Variants in COQ8B observed in about 807,000 individuals in gnomAD.
The protein encoded by COQ8B is atypical kinase COQ8B, mitochondrial.
A neutral mutation model predicts 62.0 loss-of-function variants in COQ8B; 44 were observed. That is an observed-to-expected ratio of 0.71 (90% confidence interval 0.56 to 0.91). COQ8B has a LOEUF of 0.91. Ranked by LOEUF, COQ8B falls within the 40% of genes least tolerant of loss-of-function variation. The pLI is 0.00. For missense variants in COQ8B, 649 were observed against 731.6 expected (o/e 0.89, Z 1.30); for synonymous variants, 252 against 289.9 (o/e 0.87, Z 1.33).
intron 10 of COQ8B, 131 bp from the exon 11 acceptor site, chr19:40,700,582 T>G: frequency 2.4e-5 from 28 of 1,165,930 alleles, no homozygotes; most frequent in Middle Eastern, 2.9e-4. Flanking sequence ...TGCCCATCTC[T>G]TGCTGCTGTC....
At chr19:40,715,981 G>C (rs1453754133) in intron 1 of COQ8B, 1 of 152,492 alleles carries the variant, frequency 6.6e-6, no homozygotes, top group East Asian at 1.9e-4. Flanking sequence ...ACTGGGAGAG[G>C]GAGGGATGCC....
intron 12 of COQ8B, among the ~76,000 whole-genome samples, chr19:40,697,295 G>A (rs903206378): frequency 2.0e-5 from 3 of 151,888 alleles, no homozygotes; most frequent in African/African-American, 7.3e-5. Flanking sequence ...AACATTTTTT[G>A]TAGAGATAGG....
rs58313890 is a variant in COQ8B, at chr19:40,697,875, G to GAGAGAGAGAGAGAGAC, written c.1144-1822_1144-1821insGTCTCTCTCTCTCTCT. On this transcript the variant is annotated intron_variant, in intron 12 of 14. Transcript: ENST00000324464. The stretch of plus-strand genomic sequence containing the variant: ...ATAGAGAGAGAGAGAGAGAGAGAGA[G>GAGAGAGAGAGAGAGAC]AGTTTCTACTGGGCGTTCATGCAAA... Among the ~76,000 whole-genome samples, 208 of 103,368 alleles carry GAGAGAGAGAGAGAGAC rather than the reference G, an allele frequency of 2.0e-3. 5 individuals are homozygous for GAGAGAGAGAGAGAGAC. Among genetic ancestry groups the GAGAGAGAGAGAGAGAC allele is most frequent in the East Asian group, 6.2e-3 (21 of 3,396 alleles). 67.8% of individuals were successfully genotyped at this position (103,368 alleles called of 152,430 possible).
intron 7 of COQ8B, chr19:40,704,564 CAG>C (rs905932470): frequency 6.5e-6 from 1 of 154,434 alleles, no homozygotes; most frequent in Admixed American, 6.4e-5. Flanking sequence ...CAGAGTGGCC[CAG>C]AGAGAGGCAG....
chr19:40,692,909 A>C (rs942830587), intron 14 of COQ8B, 42 bp downstream of exon 14: 1 of 1,586,404 alleles, frequency 6.3e-7, no homozygotes, highest in Admixed American at 1.7e-5. Flanking sequence ...ACTGCACCCC[A>C]CCAACAGACA....
chr19:40,716,272 C>A (rs2082184460), intron 1 of COQ8B, among the ~76,000 whole-genome samples: 1 of 152,168 alleles, frequency 6.6e-6, no homozygotes, highest in African/African-American at 2.4e-5. Flanking sequence ...CAGAGGTGAA[C>A]GGCTGACTCA....
chr19:40,703,512 G>A (rs1474140640), intron 9 of COQ8B, 29 bp downstream of exon 9: 2 of 1,576,956 alleles, frequency 1.3e-6, no homozygotes, highest in Admixed American at 1.8e-5. Flanking sequence ...CCTTTGGGAG[G>A]TCAGCAGAGG....
intron 12 of COQ8B, among the ~76,000 whole-genome samples, chr19:40,696,664 CAA>C (rs36085326): frequency 4.1e-5 from 5 of 120,588 alleles, no homozygotes; most frequent in Non-Finnish European, 3.5e-5. Context: ...GACTCCGTCT[CAA>C]AAAAAAAAAA....
Position 40,714,613 on chromosome 19 carries a change from C to A in COQ8B, c.20G>T (p.Gly7Val), listed in dbSNP as rs113871093. Residue 7 changes from glycine (G) to valine (V), a missense_variant, in exon 2 of 15, where the codon GGC becomes GTC. By Grantham distance (109) the Gly-to-Val change is moderately radical. Transcript: ENST00000324464. ...CTGTCCACCGGTCCCCCGAAGTAGG[C>A]CCCCCACCTTCAGCCACATTGCCTG... MWLKVG[G>V]LLRGTGGQLG... The A allele has an allele frequency of 6.8e-6, 11 of 1,609,162 alleles. No individual in the cohort carries two copies. The highest frequency in any genetic ancestry group is 5.1e-5 in the Admixed American group (3 of 59,048).
At chr19:40,714,891 C>A in intron 1 of COQ8B, 1 of 1,281,502 alleles carries the variant, frequency 7.8e-7, no homozygotes, top group Non-Finnish European at 9.9e-7. Context: ...TTACTAGACA[C>A]CCACAGTTCC....
chr19:40,703,991 G>T, intron 7 of COQ8B, 136 bp from the exon 8 acceptor site: 1 of 1,184,342 alleles, frequency 8.4e-7, no homozygotes, highest in Non-Finnish European at 1.1e-6. Context: ...CCCCTTTGCA[G>T]ATGAGGAAAC....
In COQ8B at chr19:40,692,242, G is replaced by A; in HGVS notation, c.1428C>T (p.His476=). Residue 476 remains histidine (H), a synonymous_variant, in exon 15 of 15, where the codon CAC becomes CAT. Transcript: ENST00000324464. The part of the protein sequence containing the change: ...IQDLIPVLLR[H]RLCPPPEETY... The stretch of plus-strand genomic sequence containing the variant: ...TCTCCTCGGGTGGGGGACACAGCCG[G>A]TGCCGCAGCAGCACCGGGATGAGGT... The A allele has an allele frequency of 3.1e-6, 5 of 1,611,582 alleles. No homozygotes were observed. Among genetic ancestry groups the A allele is most frequent in the African/African-American group, 1.3e-5 (1 of 74,930 alleles).
chr19:40,705,397 C>A lies in COQ8B; in HGVS notation c.418G>T (p.Glu140Ter). The A allele has an allele frequency of 1.3e-6, 2 of 1,594,434 alleles. No individual in the cohort carries two copies. The highest frequency in any genetic ancestry group is 1.7e-6 in the Non-Finnish European group (2 of 1,164,608). ...SSPFLSEANA[E>*]RIVQTLCTVR... ...GTACATAAGGTCTGCACAATCCGCT[C>A]GGCATTGGCCTCCGACAGGAAGGGG... is the stretch of plus-strand genomic sequence containing the variant. The change falls in exon 6 of 15, where the codon GAG becomes TAG. Residue 140 changes from glutamate to a stop codon, truncating the protein, a stop_gained. Transcript: ENST00000324464. LOFTEE classifies it high-confidence loss of function.
At chr19:40,697,841 T>C (rs1006190629) in intron 12 of COQ8B, among the ~76,000 whole-genome samples, 13 of 46,936 alleles carry the variant, frequency 2.8e-4, no homozygotes, top group Admixed American at 7.2e-4. Context: ...TATATATATA[T>C]ATATATATAT....
At position 40,716,716 on chromosome 19, in the gene COQ8B, T is replaced by C. The variant is rs963042507; in HGVS notation, c.-133A>G. The C allele has an allele frequency of 1.3e-5, 2 of 152,620 alleles. No homozygotes were observed. The highest frequency in any genetic ancestry group is 4.8e-5 in the African/African-American group (2 of 41,440). The allele number at this position is 152,620 out of a possible 1,614,324, so 9.5% of individuals were successfully genotyped here. On this transcript the variant is annotated 5_prime_UTR_variant, in exon 1 of 15. Coordinates refer to ENST00000324464, the MANE Select transcript of COQ8B (RefSeq NM_024876.4). Reference sequence around the variant, plus strand: ...GTCCGTCCCGCCCCTGCGTGAAGAATGGGCGCGCGGCTGGACTCGTCACCG... The same window carrying C: ...GTCCGTCCCGCCCCTGCGTGAAGAACGGGCGCGCGGCTGGACTCGTCACCG...
chr19:40,704,147 CCTTT>C, intron 7 of COQ8B: 3 of 268,892 alleles, frequency 1.1e-5, no homozygotes, highest in Non-Finnish European at 1.4e-5. Flanking sequence ...TCATAACAAT[CCTTT>C]TTTTTTTTTT....
chr19:40,702,574 A>C, intron 10 of COQ8B, 26 bp downstream of exon 10: 1 of 1,611,172 alleles, frequency 6.2e-7, no homozygotes, highest in Non-Finnish European at 8.5e-7. Context: ...GGAGGGAAGG[A>C]GGGAAGCTCA....
intron 7 of COQ8B, 146 bp from the exon 8 acceptor site, chr19:40,704,001 C>A: frequency 9.0e-7 from 1 of 1,106,776 alleles, no homozygotes; most frequent in Admixed American, 2.9e-5. Flanking sequence ...GATGAGGAAA[C>A]TGAGGCTCAG....
At chr19:40,704,593 C>T (rs2082086068) in intron 7 of COQ8B, 1 of 154,674 alleles carries the variant, frequency 6.5e-6, no homozygotes, top group Non-Finnish European at 1.4e-5. Context: ...CCTGGGGCCG[C>T]ATGGCGAATA....
Sources: allele counts gnomAD v4.1 joint callset (sites outside exome capture counted in the v4.1 genomes callset), GRCh38; gene constraint gnomAD v4.1.1; transcripts MANE v1.5; gene names NCBI Gene and HGNC (gene_info 2026-07-23, HGNC 2026-07-21).